The following PREX1 variants were observed in gnomAD, a reference collection of about 807,000 sequenced individuals.
PREX1 encodes the protein phosphatidylinositol 3,4,5-trisphosphate-dependent Rac exchanger 1 protein.
Under a neutral mutation model 198.3 loss-of-function variants are expected in PREX1, and 41 were observed. The observed-to-expected ratio is 0.21, with a 90% CI of 0.16 to 0.27. The LOEUF (loss-of-function observed/expected upper bound fraction) is 0.27. Among genes scored for constraint, PREX1 ranks in the 10% least tolerant of loss-of-function variants. The pLI, the probability that PREX1 is intolerant of heterozygous loss-of-function variation, is 1.00. For missense variants in PREX1, 1,620 were observed against 2,200.7 expected, an observed-to-expected ratio of 0.74 and a Z score of 5.28; for synonymous variants, 843 against 887.2, an observed-to-expected ratio of 0.95 and a Z score of 0.89.
intron 14 of PREX1, among the ~76,000 whole-genome samples, chr20:48,673,024 ATAAT>A (rs2089686377): frequency 7.4e-6 from 1 of 135,164 alleles, no homozygotes; most frequent in Non-Finnish European, 1.5e-5. Flanking sequence ...GTGCTCAAAA[ATAAT>A]TAAAAAAAAA....
chr20:48,694,904 G>A (rs538977376), intron 7 of PREX1, among the ~76,000 whole-genome samples: 4 of 152,180 alleles, frequency 2.6e-5, no homozygotes, highest in Non-Finnish European at 5.9e-5. Flanking sequence ...AACCAGAGGG[G>A]AGACCACTGC....
chr20:48,697,426 G>T (rs1462379065), intron 7 of PREX1, among the ~76,000 whole-genome samples: 1 of 150,984 alleles, frequency 6.6e-6, no homozygotes, highest in Admixed American at 6.6e-5. Flanking sequence ...TGTCCCCCAG[G>T]CTGGAGTGCA....
chr20:48,695,243 A>C (rs1334235695), intron 7 of PREX1, among the ~76,000 whole-genome samples: 4 of 152,126 alleles, frequency 2.6e-5, no homozygotes, highest in Non-Finnish European at 5.9e-5. Context: ...TTTGAACTTT[A>C]CACAAATGGA....
intron 1 of PREX1, among the ~76,000 whole-genome samples, chr20:48,766,113 A>C (rs2090206823): frequency 6.6e-6 from 1 of 152,198 alleles, no homozygotes; most frequent in Admixed American, 6.5e-5. Context: ...GTTCCCACTG[A>C]TTCTACATTA....
At chr20:48,781,286 TA>T (rs1377439655) in intron 1 of PREX1, among the ~76,000 whole-genome samples, 1 of 152,228 alleles carries the variant, frequency 6.6e-6, no homozygotes, top group Non-Finnish European at 1.5e-5. Flanking sequence ...TGTACTTAGG[TA>T]ATTATACTAC....
At chr20:48,675,618 G>T (rs1331025368) in intron 14 of PREX1, among the ~76,000 whole-genome samples, 2 of 152,202 alleles carry the variant, frequency 1.3e-5, no homozygotes, top group Non-Finnish European at 2.9e-5. Flanking sequence ...GACTGGAGGA[G>T]GGGGAGTGGA....
chr20:48,738,767 G>A (rs1054403274), intron 3 of PREX1, among the ~76,000 whole-genome samples: 1 of 152,114 alleles, frequency 6.6e-6, no homozygotes, highest in African/African-American at 2.4e-5. Flanking sequence ...GTGAGAGGTG[G>A]CAGCTGCTGT....
intron 1 of PREX1, among the ~76,000 whole-genome samples, chr20:48,789,862 CAGGT>C: frequency 6.6e-6 from 1 of 151,028 alleles, no homozygotes. Context: ...GATGGATGGA[CAGGT>C]GGGTGGGTGG....
intron 14 of PREX1, among the ~76,000 whole-genome samples, chr20:48,669,928 A>G (rs1482955872): frequency 6.6e-6 from 1 of 152,152 alleles, no homozygotes; most frequent in Non-Finnish European, 1.5e-5. Flanking sequence ...TTACCCATGA[A>G]TTCCGAGACC....
chr20:48,637,842 C>G, intron 30 of PREX1, 90 bp from the exon 31 acceptor site: 2 of 1,179,628 alleles, frequency 1.7e-6, no homozygotes, highest in Non-Finnish European at 2.5e-6. Flanking sequence ...CATGGCACCT[C>G]CCAAGGTGCT....
In PREX1 at chr20:48,681,229, A is replaced by G. The variant is rs1283146905; in HGVS notation, c.1435+6T>C. 2.5e-6 allele frequency: 4 copies of G among 1,612,914 alleles called. No homozygotes were observed. The African/African-American group carries it at 4.0e-5, about 16-fold the overall frequency. ...TTGGCCCAGCTGGGCCCAGCCCTCC[A>G]CTCACCATGGTGGATGATGCCATTC... On this transcript the variant is annotated splice_donor_region_variant and intron_variant, in intron 11 of 39. Coordinates refer to ENST00000371941, the MANE Select transcript of PREX1 (RefSeq NM_020820.4).
the PREX1 span, among the ~76,000 whole-genome samples, chr20:48,876,219 G>A: frequency 0.12 from 18,135 of 152,064 alleles, 1,292 homozygotes; most frequent in Non-Finnish European, 0.16. Context: ...TCCCCAGCAG[G>A]CTCCCACCCA....
At chr20:48,642,370 A>T (rs771734951) in intron 28 of PREX1, 37 bp downstream of exon 28, 4 of 1,607,108 alleles carry the variant, frequency 2.5e-6, no homozygotes, top group Non-Finnish European at 3.4e-6. Flanking sequence ...GACAGGAGGA[A>T]CCCAAAGTTG....
intron 7 of PREX1, among the ~76,000 whole-genome samples, chr20:48,696,403 C>G (rs2089845709): frequency 6.6e-6 from 1 of 152,166 alleles, no homozygotes; most frequent in Admixed American, 6.5e-5. Flanking sequence ...GGGTCTACTC[C>G]TAAACTCACT....
the PREX1 span, among the ~76,000 whole-genome samples, chr20:48,866,579 TG>T: frequency 6.6e-6 from 1 of 152,118 alleles, no homozygotes; most frequent in African/African-American, 2.4e-5. Flanking sequence ...ATAAATGGGA[TG>T]GGTTGCCCCT....
chr20:48,721,435 G>A (rs1028323437), intron 5 of PREX1, among the ~76,000 whole-genome samples: 7 of 152,246 alleles, frequency 4.6e-5, no homozygotes, highest in African/African-American at 1.7e-4. Flanking sequence ...TGACAAAGAT[G>A]AAGAGTGAGC....
At chr20:48,800,946 G>A (rs889519705) in intron 1 of PREX1, among the ~76,000 whole-genome samples, 12 of 152,002 alleles carry the variant, frequency 7.9e-5, no homozygotes, top group African/African-American at 2.7e-4. Context: ...GTGGGCCACC[G>A]CACTCAGCCT....
the PREX1 span, among the ~76,000 whole-genome samples, chr20:48,860,258 T>C: frequency 6.6e-6 from 1 of 152,308 alleles, no homozygotes; most frequent in Admixed American, 6.5e-5. Context: ...ATTATGCTAA[T>C]GAAACAAGCC....
chr20:48,637,762 G>A lies in PREX1; in HGVS notation c.3905-10C>T, dbSNP rs193050303. Reference sequence around the variant, plus strand: ...AGCTGGTTCTTCCCATCTGGAAGGAGAAGGGAGACAGAAAGGGGGACGGGC... The same window carrying A: ...AGCTGGTTCTTCCCATCTGGAAGGAAAAGGGAGACAGAAAGGGGGACGGGC... On this transcript the variant is annotated splice_polypyrimidine_tract_variant and intron_variant, in intron 30 of 39. Transcript: ENST00000371941. 3.8e-5 allele frequency: 61 copies of A among 1,609,476 alleles called. No homozygotes were observed. In the African/African-American group the frequency reaches 7.6e-4, roughly 20 times the overall value.
Sources: allele counts gnomAD v4.1 joint callset (sites outside exome capture counted in the v4.1 genomes callset), GRCh38; gene constraint gnomAD v4.1.1; transcripts MANE v1.5; gene names NCBI Gene and HGNC (gene_info 2026-07-23, HGNC 2026-07-21).